Variants in NAF1 observed in about 807,000 individuals in gnomAD.
The protein encoded by NAF1 is H/ACA ribonucleoprotein complex non-core subunit NAF1.
A neutral mutation model predicts 40.6 loss-of-function variants in NAF1; 11 were observed. The ratio of observed to expected loss-of-function variants is 0.27; its 90% CI spans 0.17 to 0.45. The LOEUF is 0.45. Ranked by LOEUF, NAF1 falls within the 20% of genes least tolerant of loss-of-function variation. The pLI is 1.00. For missense variants in NAF1, 607 were observed against 611.1 expected (o/e 0.99, Z 0.07); for synonymous variants, 260 against 228.5 (o/e 1.14, Z -1.24).
intron 2 of NAF1, among the ~76,000 whole-genome samples, chr4:163,115,206 TA>T (rs566937708): frequency 0.022 from 1,677 of 77,714 alleles, 214 homozygotes; most frequent in African/African-American, 0.087. Context: ...ATAATTTTTT[TA>T]TTTATTTTTT....
chr4:163,116,777 A>G (rs969048830), intron 2 of NAF1, among the ~76,000 whole-genome samples: 1 of 152,242 alleles, frequency 6.6e-6, no homozygotes, highest in African/African-American at 2.4e-5. Flanking sequence ...ATTGTTGTGA[A>G]GATGTAAACA....
chr4:163,105,911 A>C (rs17043360), downstream of NAF1, among the ~76,000 whole-genome samples: 788 of 152,348 alleles, frequency 5.2e-3, 4 homozygotes, highest in African/African-American at 0.018. Flanking sequence ...GTTATGATTG[A>C]GAATAAGAAA....
At chr4:163,153,578 G>A (rs934341212) in intron 2 of NAF1, among the ~76,000 whole-genome samples, 1 of 152,082 alleles carries the variant, frequency 6.6e-6, no homozygotes, top group Non-Finnish European at 1.5e-5. Context: ...TGCACCAATC[G>A]ACACTCTGTA....
At chr4:163,105,498 T>C (rs1017295717), downstream of NAF1, among the ~76,000 whole-genome samples, 2 of 152,216 alleles carry the variant, frequency 1.3e-5, no homozygotes, top group African/African-American at 4.8e-5. Context: ...TAACTAAAAA[T>C]GCGTCAGCTA....
At chr4:163,116,484 C>T (rs1730342027) in intron 2 of NAF1, among the ~76,000 whole-genome samples, 1 of 152,134 alleles carries the variant, frequency 6.6e-6, no homozygotes, top group African/African-American at 2.4e-5. Context: ...TTTCTTAGCA[C>T]TAATGTCTCC....
intron 2 of NAF1, among the ~76,000 whole-genome samples, chr4:163,162,660 G>T (rs1214703503): frequency 2.0e-5 from 3 of 152,154 alleles, no homozygotes; most frequent in Admixed American, 2.0e-4. Context: ...AGCAGAAACT[G>T]GACTGGTCTT....
chr4:163,151,961 C>T (rs1327676842), intron 2 of NAF1, among the ~76,000 whole-genome samples: 1 of 152,068 alleles, frequency 6.6e-6, no homozygotes, highest in Admixed American at 6.5e-5. Context: ...AAGCATCATG[C>T]TGAAATTTAC....
At chr4:163,104,436 CT>C in the NAF1 span, among the ~76,000 whole-genome samples, 1 of 152,132 alleles carries the variant, frequency 6.6e-6, no homozygotes, top group Non-Finnish European at 1.5e-5. Context: ...AAAAAAGATA[CT>C]TTGTAAAAAT....
intron 2 of NAF1, among the ~76,000 whole-genome samples, chr4:163,152,005 C>T (rs115032786): frequency 0.011 from 1,642 of 152,182 alleles, 8 homozygotes; most frequent in African/African-American, 0.016. Context: ...TATTATACAA[C>T]CATATTTTCA....
intron 2 of NAF1, among the ~76,000 whole-genome samples, chr4:163,118,356 C>T (rs1314703981): frequency 6.6e-6 from 1 of 152,180 alleles, no homozygotes; most frequent in African/African-American, 2.4e-5. Context: ...ATGATTTAAG[C>T]AATCAATTAC....
In NAF1 at chr4:163,140,319, T is replaced by C. The variant is rs1359592816; in HGVS notation, c.782A>G (p.His261Arg). The C allele has an allele frequency of 6.2e-7, 1 of 1,609,026 alleles. No individual in the cohort carries two copies. Among genetic ancestry groups the C allele is most frequent in the Non-Finnish European group, 8.5e-7 (1 of 1,177,820 alleles). The change falls in exon 5 of 8, where the codon CAC (histidine) becomes CGC (arginine). Residue 261 changes from histidine to arginine, a missense_variant. Physicochemically the swap from His to Arg is conservative, Grantham distance 29. Around this residue, in one of 3 missense-constraint regions of NAF1, gnomAD observed 407 missense variants for 365.5 expected, o/e 1.11. Transcript: ENST00000274054. The stretch of plus-strand genomic sequence containing the variant: ...TATTTTAATACCTTTACTCTCAATG[T>C]GATCTGAAGAATTAAACCGTAACAC... ...FYVLRFNSSD[H>R]IESKGIKIKE...
chr4:163,145,499 C>A (rs188119562), intron 4 of NAF1, among the ~76,000 whole-genome samples: 1 of 152,304 alleles, frequency 6.6e-6, no homozygotes, highest in East Asian at 1.9e-4. Context: ...ATGTGTTATG[C>A]ATTACGTAGA....
chr4:163,151,189 GT>G (rs1731687622), intron 2 of NAF1, among the ~76,000 whole-genome samples: 1 of 151,628 alleles, frequency 6.6e-6, no homozygotes, highest in African/African-American at 2.4e-5. Flanking sequence ...CCCACAGCAT[GT>G]TTTTTAGCTA....
chr4:163,114,071 A>C (rs1478397217), intron 2 of NAF1, among the ~76,000 whole-genome samples: 1 of 152,248 alleles, frequency 6.6e-6, no homozygotes, highest in African/African-American at 2.4e-5. Context: ...ATGTGTGGGA[A>C]ACTGGAAAAG....
Position 163,112,911 on chromosome 4 carries a change from T to C in NAF1, c.115-2621A>G, listed in dbSNP as rs140328845. ...TGGACTAGGAAAAAAATATTGCAGC[T>C]TTAAGGCTCCCTTTTAGGTTTGGTA... On this transcript the variant is annotated intron_variant, in intron 2 of 2. Transcript: ENST00000509434. 6.3e-3 allele frequency among the ~76,000 whole-genome samples: 967 copies of C among 152,306 alleles called. 14 individuals are homozygous for C. The highest frequency in any genetic ancestry group is 0.021 in the African/African-American group (892 of 41,564).
intron 4 of NAF1, among the ~76,000 whole-genome samples, chr4:163,144,261 T>C (rs773802854): frequency 2.6e-5 from 4 of 152,156 alleles, no homozygotes; most frequent in Non-Finnish European, 5.9e-5. Context: ...GGAAGGGAAA[T>C]GAACCTGGGC....
At chr4:163,124,670 A>G (rs1055263), downstream of NAF1, among the ~76,000 whole-genome samples, 122,481 of 152,058 alleles carry the variant, frequency 0.81, 49,377 homozygotes, top group South Asian at 0.85. Context: ...ATAGAGGGCC[A>G]ATTTGTATAG....
chr4:163,153,709 G>A (rs568852025), intron 2 of NAF1, among the ~76,000 whole-genome samples: 119 of 152,168 alleles, frequency 7.8e-4, no homozygotes, highest in East Asian at 1.7e-3. Flanking sequence ...ACCAATCAGC[G>A]CCCTGACAAA....
chr4:163,111,894 C>A (rs1336799529), intron 2 of NAF1, among the ~76,000 whole-genome samples: 1 of 152,048 alleles, frequency 6.6e-6, no homozygotes, highest in Non-Finnish European at 1.5e-5. Context: ...AAAATTTTAT[C>A]AATCACGCAA....
Sources: gnomAD v4.1 joint callset for allele counts (sites outside exome capture counted in the v4.1 genomes callset) on GRCh38, gnomAD v4.1.1 for gene constraint, gnomAD v4.1.1 regional missense constraint, MANE v1.5 for transcripts, NCBI Gene and HGNC (gene_info 2026-07-23, HGNC 2026-07-21) for gene names.